Variants in SLC28A1 observed in about 807,000 individuals in gnomAD.
SLC28A1 encodes the protein sodium/nucleoside cotransporter 1.
In SLC28A1, 64 loss-of-function variants were observed where a neutral mutation model predicts 74.8. That is an observed-to-expected ratio of 0.86 (90% CI 0.70 to 1.05). The LOEUF (loss-of-function observed/expected upper bound fraction) is 1.05. SLC28A1 is among the 50% of genes least tolerant of loss of function. The pLI, the probability that SLC28A1 is intolerant of heterozygous loss-of-function variation, is 0.00. For missense variants in SLC28A1, 828 were observed against 822.8 expected, an observed-to-expected ratio of 1.01 and a Z score of -0.08; for synonymous variants, 359 against 335.0, an observed-to-expected ratio of 1.07 and a Z score of -0.78.
chr15:84,946,112 A>ATTT (rs1165709632), downstream of SLC28A1, among the ~76,000 whole-genome samples: 18 of 13,478 alleles, frequency 1.3e-3, 3 homozygotes, highest in Admixed American at 5.5e-3. Flanking sequence ...ATATATATAT[A>ATTT]TTTTTTTTTT....
rs781536574 is a variant in SLC28A1 at position 84,904,182 on chromosome 15, G to A, written c.547G>A (p.Ala183Thr). 14 of 1,614,060 alleles carry A rather than the reference G, an allele frequency of 8.7e-6. No individual in the cohort carries two copies. The highest frequency in any genetic ancestry group is 3.3e-5 in the South Asian group (3 of 91,088). Reference protein sequence around the residue: ...SQRPEQLVSFAGICVFVALLF... With the variant: ...SQRPEQLVSFTGICVFVALLF... ...GCGGCCTGAGCAACTGGTGTCCTTCGCAGGAATCTGCGTGTTCGTCGCTCT... is the reference window on the plus strand; with the variant it reads ...GCGGCCTGAGCAACTGGTGTCCTTCACAGGAATCTGCGTGTTCGTCGCTCT... Residue 183 changes from alanine to threonine, a missense_variant, in exon 7 of 19, where the codon GCA becomes ACA. Physicochemically the swap from Ala to Thr is moderately conservative, Grantham distance 58. Transcript: ENST00000394573.
chr15:84,949,641 C>G (rs2079351245), downstream of SLC28A1, among the ~76,000 whole-genome samples: 1 of 150,536 alleles, frequency 6.6e-6, no homozygotes, highest in African/African-American at 2.5e-5. Context: ...GAACTCCTGG[C>G]CTCAAGTGAT....
At chr15:84,972,922 G>GA in the SLC28A1 span, among the ~76,000 whole-genome samples, 4 of 152,192 alleles carry the variant, frequency 2.6e-5, no homozygotes, top group Non-Finnish European at 5.9e-5. Flanking sequence ...CAATGATGAG[G>GA]ATGAATGGAC....
At position 84,895,080 on chromosome 15, in the gene SLC28A1, C is replaced by CTCG; in HGVS notation, c.420_421insGTC (p.Leu140_Lys141insVal). The CTCG allele has an allele frequency of 2.5e-6, 4 of 1,613,788 alleles. No individual in the cohort carries two copies. Among genetic ancestry groups the CTCG allele is most frequent in the Non-Finnish European group, 2.5e-6 (3 of 1,179,882 alleles). On this transcript the variant is annotated inframe_insertion, in exon 6 of 19. Transcript: ENST00000394573. ...TCTGGGGCCAAAGCTGAGGAGGTTT[C>CTCG]TCAAGCCTCAGGGCCATCCCCGCCT...
chr15:84,960,046 A>G, the SLC28A1 span, among the ~76,000 whole-genome samples: 3 of 152,094 alleles, frequency 2.0e-5, no homozygotes, highest in Non-Finnish European at 4.4e-5. Context: ...TGGGGTCATG[A>G]TATTTCTCCA....
At chr15:84,890,633 A>G (rs1965266946) in intron 5 of SLC28A1, 99 bp downstream of exon 5, 2 of 990,002 alleles carry the variant, frequency 2.0e-6, no homozygotes, top group Admixed American at 2.0e-5. Flanking sequence ...CATTCAACAA[A>G]TGGTTGTTGA....
rs751227193 is a variant in SLC28A1 at position 84,924,808 on chromosome 15, G to A, written c.1083+698G>A. On this transcript the variant is annotated intron_variant, in intron 12 of 18. Transcript: ENST00000394573. The stretch of plus-strand genomic sequence containing the variant: ...CAATTTTATTTCCTTAATGATCAAA[G>A]AAATTCTTGCTTATTGCAGAAACAA... Among the ~76,000 whole-genome samples, 83 of 152,212 alleles carry A rather than the reference G, an allele frequency of 5.5e-4. 1 individual carries two copies. The highest frequency in any genetic ancestry group is 1.0e-3 in the Non-Finnish European group (69 of 68,020).
intron 2 of SLC28A1, 32 bp from the exon 3 acceptor site, chr15:84,887,713 C>A: frequency 6.2e-7 from 1 of 1,601,180 alleles, no homozygotes. Context: ...GCCTCCCTTT[C>A]AGCGTTGGGC....
At chr15:84,918,676 T>G (rs1969433318) in intron 10 of SLC28A1, 72 bp downstream of exon 10, 4 of 1,187,638 alleles carry the variant, frequency 3.4e-6, no homozygotes, top group Non-Finnish European at 2.5e-6. Flanking sequence ...TGTCCCAGAA[T>G]GCCTTGCTCC....
intron 2 of SLC28A1, 99 bp downstream of exon 2, chr15:84,886,886 C>A: frequency 1.8e-6 from 1 of 567,278 alleles, no homozygotes; most frequent in Non-Finnish European, 2.2e-6. Context: ...CACGCACATG[C>A]ACGGGTCTCT....
At position 84,890,441 on chromosome 15, in the gene SLC28A1, A is replaced by T; in HGVS notation, c.186-2A>T. The T allele has an allele frequency of 1.2e-6, 2 of 1,606,276 alleles. No homozygotes were observed. Among genetic ancestry groups the T allele is most frequent in the Non-Finnish European group, 1.7e-6 (2 of 1,177,382 alleles). On this transcript the variant is annotated splice_acceptor_variant, in intron 4 of 18. Coordinates refer to ENST00000394573, the MANE Select transcript of SLC28A1 (RefSeq NM_004213.5). LOFTEE classifies it high-confidence loss of function. ...CATGGACCCTGCTGGTCTTGTTCCC[A>T]GGAGGAACCTGCAGCCAGCCCTGAG...
chr15:84,926,892 T>C (rs1285980910), intron 12 of SLC28A1, among the ~76,000 whole-genome samples: 1 of 152,014 alleles, frequency 6.6e-6, no homozygotes, highest in Non-Finnish European at 1.5e-5. Context: ...CTCATCTCTG[T>C]CCCTGGGGAT....
chr15:84,958,549 T>C, the SLC28A1 span, among the ~76,000 whole-genome samples: 1 of 151,984 alleles, frequency 6.6e-6, no homozygotes, highest in East Asian at 1.9e-4. Context: ...CTTACAGTTT[T>C]TTGTTTGTTT....
chr15:84,911,593 G>C (rs1968228511), intron 9 of SLC28A1, among the ~76,000 whole-genome samples: 1 of 151,812 alleles, frequency 6.6e-6, no homozygotes, highest in Admixed American at 6.5e-5. Flanking sequence ...TGGGCGTGGT[G>C]GCTCACGCCT....
Position 84,905,941 on chromosome 15 carries a change from A to AC in SLC28A1, c.717+289_717+290insC, listed in dbSNP as rs1567138636. On this transcript the variant is annotated intron_variant, in intron 8 of 18. Coordinates refer to ENST00000394573, the MANE Select transcript of SLC28A1 (RefSeq NM_004213.5). ...AATAGTTAAAAGTGCTAAAAAAAAA[A>AC]ACCCAAATCTGCAAATGATTTACTT... Among the ~76,000 whole-genome samples, 11 of 145,302 alleles carry AC rather than the reference A, an allele frequency of 7.6e-5. No homozygotes were observed. The East Asian group carries it at 9.9e-4, about 13-fold the overall frequency.
At chr15:84,957,804 C>T in the SLC28A1 span, among the ~76,000 whole-genome samples, 1 of 152,088 alleles carries the variant, frequency 6.6e-6, no homozygotes, top group Non-Finnish European at 1.5e-5. Flanking sequence ...TTCTAGTTCC[C>T]TTGCATTTCC....
intron 15 of SLC28A1, among the ~76,000 whole-genome samples, chr15:84,936,048 G>A (rs1481357471): frequency 2.7e-5 from 4 of 147,122 alleles, no homozygotes; most frequent in African/African-American, 7.6e-5. Flanking sequence ...TCCGCCTCCC[G>A]GGTTCACGCC....
the SLC28A1 span, among the ~76,000 whole-genome samples, chr15:84,962,187 G>A: frequency 9.2e-5 from 14 of 151,444 alleles, no homozygotes; most frequent in South Asian, 2.1e-4. Context: ...TGATCCTCCC[G>A]CCTAAGCCTC....
Position 84,945,424 on chromosome 15 carries a change from C to T in SLC28A1, c.*224C>T, listed in dbSNP as rs2079169462. The T allele has an allele frequency of 3.5e-6, 2 of 569,864 alleles. No homozygotes were observed. The highest frequency in any genetic ancestry group is 6.4e-6 in the Non-Finnish European group (2 of 311,754). The allele number at this position is 569,864 out of a possible 1,614,324, so 35.3% of individuals were successfully genotyped here. A position where few individuals can be genotyped will look rare whatever the true frequency, so the allele number is the denominator to read the frequency against. On this transcript the variant is annotated 3_prime_UTR_variant, in exon 19 of 19. Coordinates refer to ENST00000394573, the MANE Select transcript of SLC28A1 (RefSeq NM_004213.5). ...CATCCCCCTTCCTGCTCCCCCATTT[C>T]CTAACTCCCCCAGTGTGAATTCTCA...
Sources: allele counts gnomAD v4.1 joint callset (sites outside exome capture counted in the v4.1 genomes callset), GRCh38; gene constraint gnomAD v4.1.1; transcripts MANE v1.5; gene names NCBI Gene and HGNC (gene_info 2026-07-23, HGNC 2026-07-21).